Variants in SLC44A5 observed in about 807,000 individuals in gnomAD.
SLC44A5 encodes the protein solute carrier family 44 member 5.
In SLC44A5, 57 loss-of-function variants were observed where a neutral mutation model predicts 101.8. The ratio of observed to expected loss-of-function variants is 0.56; its 90% confidence interval spans 0.45 to 0.70. SLC44A5 has a LOEUF of 0.70. SLC44A5 is among the 30% of genes least tolerant of loss of function. The pLI is 0.00. For synonymous variants in SLC44A5, 281 were observed against 290.9 expected, an observed-to-expected ratio of 0.97 and a Z score of 0.35; for missense variants, 737 against 853.1, an observed-to-expected ratio of 0.86 and a Z score of 1.70.
chr1:75,267,181 T>G (rs1038330989), intron 6 of SLC44A5, among the ~76,000 whole-genome samples: 5 of 152,164 alleles, frequency 3.3e-5, no homozygotes, highest in African/African-American at 1.2e-4. Context: ...ATGCTTCTCC[T>G]ACATGACTGT....
At chr1:75,213,554 G>A (rs1266669999) in intron 22 of SLC44A5, 151 bp downstream of exon 22, 4 of 616,884 alleles carry the variant, frequency 6.5e-6, no homozygotes, top group Non-Finnish European at 1.2e-5. Flanking sequence ...ACCAGGAAGA[G>A]GACCCTCACC....
chr1:75,489,972 G>A (rs1668349120), intron 2 of SLC44A5, among the ~76,000 whole-genome samples: 1 of 151,946 alleles, frequency 6.6e-6, no homozygotes, highest in Non-Finnish European at 1.5e-5. Context: ...TTAGGTATTT[G>A]ATCTCCAATA....
intron 1 of SLC44A5, among the ~76,000 whole-genome samples, chr1:75,604,819 G>T (rs971652653): frequency 4.6e-5 from 7 of 151,682 alleles, no homozygotes; most frequent in African/African-American, 1.7e-4. Flanking sequence ...CTCTCAGCTT[G>T]AACATTATTG....
intron 2 of SLC44A5, among the ~76,000 whole-genome samples, chr1:75,527,037 A>G (rs1670443899): frequency 6.6e-6 from 1 of 151,850 alleles, no homozygotes; most frequent in Non-Finnish European, 1.5e-5. Flanking sequence ...CAGGAAGCTG[A>G]GGCAGGAGAA....
At chr1:75,590,016 G>A (rs543617251) in intron 1 of SLC44A5, among the ~76,000 whole-genome samples, 2 of 152,120 alleles carry the variant, frequency 1.3e-5, no homozygotes, top group South Asian at 4.2e-4. Flanking sequence ...CAACCTGTAG[G>A]CAAGTCCTAG....
intron 2 of SLC44A5, among the ~76,000 whole-genome samples, chr1:75,481,045 C>T (rs1667811149): frequency 1.3e-5 from 2 of 152,102 alleles, no homozygotes; most frequent in Non-Finnish European, 2.9e-5. Flanking sequence ...GGTACTGGTA[C>T]CAAAACAGAG....
At chr1:75,512,786 T>C (rs1669636780) in intron 2 of SLC44A5, among the ~76,000 whole-genome samples, 1 of 152,102 alleles carries the variant, frequency 6.6e-6, no homozygotes, top group African/African-American at 2.4e-5. Context: ...CAGAGCTAAC[T>C]AGCCAAAGAG....
intron 1 of SLC44A5, among the ~76,000 whole-genome samples, chr1:75,610,308 A>G (rs1307552880): frequency 6.6e-6 from 1 of 152,214 alleles, no homozygotes; most frequent in Admixed American, 6.5e-5. Context: ...TTTCTACATC[A>G]GCTCCCTAGG....
intron 4 of SLC44A5, among the ~76,000 whole-genome samples, chr1:75,306,685 C>A (rs1203966910): frequency 6.6e-6 from 1 of 150,610 alleles, no homozygotes; most frequent in East Asian, 1.9e-4. Flanking sequence ...TTTTCAGGGA[C>A]AGCTTTCTAC....
chr1:75,217,834 C>T (rs624746), intron 18 of SLC44A5, 32 bp downstream of exon 18: 1 of 1,403,794 alleles, frequency 7.1e-7, no homozygotes, highest in African/African-American at 1.4e-5. Flanking sequence ...AATTTATTAT[C>T]TTCACAAAAG....
intron 1 of SLC44A5, among the ~76,000 whole-genome samples, chr1:75,610,027 G>A (rs1469096539): frequency 1.3e-5 from 2 of 151,876 alleles, no homozygotes; most frequent in East Asian, 3.9e-4. Flanking sequence ...TGCAGGGTCT[G>A]TTCCCAAGAT....
chr1:75,409,247 C>A (rs1663112600), intron 2 of SLC44A5, among the ~76,000 whole-genome samples: 1 of 152,122 alleles, frequency 6.6e-6, no homozygotes. Context: ...GTCCATGAGT[C>A]CTTCTCACAT....
At chr1:75,363,034 A>G (rs1659609603) in intron 3 of SLC44A5, among the ~76,000 whole-genome samples, 1 of 151,992 alleles carries the variant, frequency 6.6e-6, no homozygotes, top group East Asian at 1.9e-4. Flanking sequence ...TATCCTCTCG[A>G]TAAATTGGCC....
chr1:75,274,815 G>C (rs1651784145), intron 6 of SLC44A5, 143 bp downstream of exon 6: 1 of 646,038 alleles, frequency 1.5e-6, no homozygotes, highest in Non-Finnish European at 2.7e-6. Flanking sequence ...ACTGCTTATA[G>C]CTATCTGTTA....
intron 2 of SLC44A5, among the ~76,000 whole-genome samples, chr1:75,489,370 A>C (rs767524675): frequency 7.9e-5 from 12 of 152,202 alleles, no homozygotes; most frequent in Non-Finnish European, 1.6e-4. Context: ...CTAGAACCAA[A>C]ATAGTTAGAT....
chr1:75,509,029 T>C (rs900534268), intron 2 of SLC44A5, among the ~76,000 whole-genome samples: 1 of 152,162 alleles, frequency 6.6e-6, no homozygotes, highest in Non-Finnish European at 1.5e-5. Flanking sequence ...TGAAAGTACA[T>C]GGAATTTGGA....
chr1:75,531,158 G>A (rs1051081061), intron 2 of SLC44A5, among the ~76,000 whole-genome samples: 1 of 152,092 alleles, frequency 6.6e-6, no homozygotes, highest in East Asian at 1.9e-4. Context: ...CTTTTCTCTT[G>A]GAGATTCAGA....
intron 2 of SLC44A5, among the ~76,000 whole-genome samples, chr1:75,519,142 T>C (rs567735785): frequency 3.9e-5 from 6 of 152,254 alleles, no homozygotes; most frequent in Admixed American, 1.3e-4. Context: ...AAAAATTAAC[T>C]TTTTCATCCT....
intron 2 of SLC44A5, chr1:75,537,904 G>A (rs986028065): frequency 1.3e-5 from 2 of 152,114 alleles, no homozygotes; most frequent in African/African-American, 4.8e-5. Flanking sequence ...TAGCGATTCT[G>A]TTTTCTGAGG....
Sources: allele counts gnomAD v4.1 joint callset (sites outside exome capture counted in the v4.1 genomes callset), GRCh38; gene constraint gnomAD v4.1.1; transcripts MANE v1.5; gene names NCBI Gene and HGNC (gene_info 2026-07-23, HGNC 2026-07-21).